CSMD3: variants seen among roughly 807,000 people sequenced by gnomAD.
The protein encoded by CSMD3 is CUB and sushi domain-containing protein 3.
Under a neutral mutation model 435.2 loss-of-function variants are expected in CSMD3, and 177 were observed. The observed-to-expected ratio is 0.41, with a 90% confidence interval of 0.36 to 0.46. The LOEUF is 0.46. CSMD3 is among the 20% of genes least tolerant of loss of function. The pLI is 0.34. For missense variants in CSMD3, 4,265 were observed against 4,504.6 expected, an observed-to-expected ratio of 0.95 and a Z score of 1.52; for synonymous variants, 1,656 against 1,520.5, an observed-to-expected ratio of 1.09 and a Z score of -2.07.
chr8:113,020,928 C>G (rs2086663906), intron 5 of CSMD3, among the ~76,000 whole-genome samples: 3 of 152,140 alleles, frequency 2.0e-5, no homozygotes, highest in African/African-American at 4.8e-5. Flanking sequence ...CCTGAAAACC[C>G]AACTTTCCTA....
intron 3 of CSMD3, among the ~76,000 whole-genome samples, chr8:113,263,753 T>C (rs2093445726): frequency 1.3e-5 from 2 of 151,870 alleles, no homozygotes; most frequent in Non-Finnish European, 2.9e-5. Flanking sequence ...CAACATATGA[T>C]ACTGTGTAAG....
intron 1 of CSMD3, among the ~76,000 whole-genome samples, chr8:113,348,575 A>G (rs1163954046): frequency 6.6e-6 from 1 of 152,118 alleles, no homozygotes; most frequent in African/African-American, 2.4e-5. Flanking sequence ...TAACAAATCA[A>G]TCCTGGAGAT....
At chr8:112,684,294 A>C (rs531906936) in intron 15 of CSMD3, among the ~76,000 whole-genome samples, 8 of 152,192 alleles carry the variant, frequency 5.3e-5, no homozygotes, top group East Asian at 3.9e-4. Flanking sequence ...ATTTAACTTT[A>C]ATAATATGCA....
chr8:113,084,300 T>C (rs1377960246), intron 5 of CSMD3, among the ~76,000 whole-genome samples: 4 of 152,164 alleles, frequency 2.6e-5, no homozygotes, highest in African/African-American at 2.4e-5. Context: ...AGTATTTCTA[T>C]TCACTAATAG....
Position 112,782,775 on chromosome 8 carries a change from G to A in CSMD3, c.1972+17387C>T, listed in dbSNP as rs566366276. On this transcript the variant is annotated intron_variant, in intron 13 of 70. Transcript: ENST00000297405. The stretch of plus-strand genomic sequence containing the variant: ...TTTTTCAGTGGAAACCTTACAGGCC[G>A]GGAAAGAGTGACATAACATATTTAA... Among the ~76,000 whole-genome samples the A allele has an allele frequency of 4.5e-4, 69 of 151,966 alleles. 1 individual carries two copies. Among genetic ancestry groups the A allele is most frequent in the Admixed American group, 2.0e-3 (30 of 15,230 alleles).
intron 22 of CSMD3, among the ~76,000 whole-genome samples, chr8:112,631,339 C>T (rs2074508844): frequency 1.3e-5 from 2 of 152,050 alleles, no homozygotes; most frequent in African/African-American, 4.8e-5. Flanking sequence ...TAACTCAAAC[C>T]ATGTGGCCTC....
chr8:112,662,987 A>G (rs1438259947), intron 17 of CSMD3, among the ~76,000 whole-genome samples: 33 of 152,134 alleles, frequency 2.2e-4, no homozygotes, highest in Non-Finnish European at 4.6e-4. Context: ...ACCATCTCAC[A>G]CCAGTTAGAA....
chr8:112,402,473 T>A (rs540263287), intron 35 of CSMD3, among the ~76,000 whole-genome samples: 1 of 152,188 alleles, frequency 6.6e-6, no homozygotes, highest in Non-Finnish European at 1.5e-5. Flanking sequence ...AATAAAAGGG[T>A]TTTTGATGAT....
intron 4 of CSMD3, among the ~76,000 whole-genome samples, chr8:113,169,272 T>C (rs1258018535): frequency 6.6e-6 from 1 of 152,128 alleles, no homozygotes; most frequent in Non-Finnish European, 1.5e-5. Context: ...GGCAACAGTT[T>C]CCTCATTAGC....
chr8:113,400,766 G>A (rs981079459), intron 1 of CSMD3, among the ~76,000 whole-genome samples: 1 of 151,790 alleles, frequency 6.6e-6, no homozygotes, highest in Non-Finnish European at 1.5e-5. Flanking sequence ...ATTTAAGCGT[G>A]GTACAAACCC....
chr8:113,301,012 T>C (rs75574552), intron 2 of CSMD3, among the ~76,000 whole-genome samples: 4,506 of 152,258 alleles, frequency 0.03, 87 homozygotes, highest in Non-Finnish European at 0.04. Flanking sequence ...ATATATTTTA[T>C]AAATCTTACA....
intron 8 of CSMD3, among the ~76,000 whole-genome samples, chr8:112,948,954 T>C (rs921285559): frequency 2.0e-5 from 3 of 152,028 alleles, no homozygotes; most frequent in Admixed American, 6.6e-5. Context: ...TTGCCATCCA[T>C]GCTGGTGTGC....
chr8:112,252,675 GTGTGTATATATATATA>G (rs1815378152), intron 63 of CSMD3, among the ~76,000 whole-genome samples: 3 of 87,182 alleles, frequency 3.4e-5, no homozygotes, highest in Admixed American at 1.1e-4. Context: ...TAGTATGTGT[GTGTGTATATATATATA>G]TATATATATA....
chr8:112,395,694 G>A (rs1830798252), intron 35 of CSMD3, among the ~76,000 whole-genome samples: 2 of 152,210 alleles, frequency 1.3e-5, no homozygotes, highest in South Asian at 2.1e-4. Context: ...TATGCCTAAG[G>A]TCATATATTG....
At chr8:112,656,446 T>G in intron 17 of CSMD3, 105 bp from the exon 18 acceptor site, 2 of 787,038 alleles carry the variant, frequency 2.5e-6, no homozygotes, top group South Asian at 2.2e-5. Context: ...TTTTCCATTT[T>G]ATATTATAAT....
intron 10 of CSMD3, among the ~76,000 whole-genome samples, chr8:112,900,523 A>C (rs2082084585): frequency 6.6e-6 from 1 of 151,266 alleles, no homozygotes; most frequent in Non-Finnish European, 1.5e-5. Context: ...TTGGGGGTCA[A>C]GGAAGTGGCA....
intron 4 of CSMD3, among the ~76,000 whole-genome samples, chr8:113,144,265 C>G (rs2091619732): frequency 6.6e-6 from 1 of 151,208 alleles, no homozygotes; most frequent in Non-Finnish European, 1.5e-5. Flanking sequence ...TCATTGTTCC[C>G]AAAAATCTGG....
At chr8:112,957,164 T>C (rs1234300121) in intron 7 of CSMD3, among the ~76,000 whole-genome samples, 3 of 152,182 alleles carry the variant, frequency 2.0e-5, no homozygotes, top group South Asian at 4.2e-4. Context: ...TACCATAAAA[T>C]ATAGATTTCA....
intron 32 of CSMD3, among the ~76,000 whole-genome samples, chr8:112,416,445 C>T (rs1432557628): frequency 6.6e-6 from 1 of 152,166 alleles, no homozygotes; most frequent in Non-Finnish European, 1.5e-5. Context: ...GATATTTCTG[C>T]ACAGTAGCAT....
Sources: gnomAD v4.1 joint callset for allele counts (sites outside exome capture counted in the v4.1 genomes callset) on GRCh38, gnomAD v4.1.1 for gene constraint, MANE v1.5 for transcripts, NCBI Gene and HGNC (gene_info 2026-07-23, HGNC 2026-07-21) for gene names.